Variants in CCDC138 observed in about 807,000 individuals in gnomAD.
CCDC138 encodes the protein coiled-coil domain containing 138, also known as coiled-coil domain-containing protein 138.
CCDC138 carries 66 observed loss-of-function variants against 82.3 expected under a neutral mutation model. The observed-to-expected ratio is 0.80, with a 90% CI of 0.66 to 0.98. CCDC138 has a LOEUF of 0.98. Ranked by LOEUF, CCDC138 falls within the 50% of genes least tolerant of loss-of-function variation. The pLI, the probability that CCDC138 is intolerant of heterozygous loss-of-function variation, is 0.00. For synonymous variants in CCDC138, 297 were observed against 265.4 expected (o/e 1.12, Z -1.16); for missense variants, 816 against 758.9 (o/e 1.08, Z -0.88).
chr2:108,826,678 A>G (rs1049449979), intron 10 of CCDC138, among the ~76,000 whole-genome samples: 1 of 152,168 alleles, frequency 6.6e-6, no homozygotes, highest in African/African-American at 2.4e-5. Context: ...TTTTGAAAAC[A>G]AAGTGTGAAT....
intron 13 of CCDC138, among the ~76,000 whole-genome samples, chr2:108,866,666 C>T (rs1382741721): frequency 6.6e-6 from 1 of 152,072 alleles, no homozygotes; most frequent in East Asian, 1.9e-4. Context: ...AGGTGGATCA[C>T]GAGGTCAGGA....
intron 12 of CCDC138, among the ~76,000 whole-genome samples, chr2:108,854,329 A>G (rs1029810901): frequency 2.0e-5 from 3 of 151,648 alleles, no homozygotes; most frequent in African/African-American, 7.3e-5. Context: ...TCAACTCTAT[A>G]GTCAGACAAC....
chr2:108,805,589 T>C (rs1413449449), intron 7 of CCDC138, among the ~76,000 whole-genome samples: 1 of 151,316 alleles, frequency 6.6e-6, no homozygotes, highest in Non-Finnish European at 1.5e-5. Flanking sequence ...TAGCTGGGCG[T>C]GATGGCGGGC....
At chr2:108,847,619 ATTAT>A (rs1234639703) in intron 12 of CCDC138, among the ~76,000 whole-genome samples, 1 of 152,242 alleles carries the variant, frequency 6.6e-6, no homozygotes, top group African/African-American at 2.4e-5. Context: ...AACAGGTTAT[ATTAT>A]TAAATGTGAT....
chr2:108,811,448 G>A (rs1683861357), intron 7 of CCDC138, among the ~76,000 whole-genome samples: 1 of 151,720 alleles, frequency 6.6e-6, no homozygotes, highest in Admixed American at 6.6e-5. Flanking sequence ...GTCTTATTGT[G>A]TTGCTGAGGC....
chr2:108,867,840 G>A (rs1337217139), intron 13 of CCDC138, among the ~76,000 whole-genome samples: 1 of 152,172 alleles, frequency 6.6e-6, no homozygotes, highest in Non-Finnish European at 1.5e-5. Flanking sequence ...TGGAATAAAA[G>A]CCTTACTAAC....
chr2:108,846,688 TA>T (rs761329877), intron 11 of CCDC138, 49 bp from the exon 12 acceptor site: 1 of 1,497,192 alleles, frequency 6.7e-7, no homozygotes, highest in South Asian at 1.2e-5. Context: ...AAAAAAAAGA[TA>T]TATTCTGAAC....
At chr2:108,865,824 G>A (rs1475813013) in intron 13 of CCDC138, among the ~76,000 whole-genome samples, 2 of 152,118 alleles carry the variant, frequency 1.3e-5, no homozygotes, top group African/African-American at 4.8e-5. Context: ...GTAGAGGGCG[G>A]GGTGGCTATA....
chr2:108,840,230 TAAC>T (rs1029159461), intron 11 of CCDC138, among the ~76,000 whole-genome samples: 3 of 152,188 alleles, frequency 2.0e-5, no homozygotes, highest in Non-Finnish European at 4.4e-5. Context: ...GTTTTTATAT[TAAC>T]AAATTCTATT....
At chr2:108,795,927 T>C (rs1011648526) in intron 5 of CCDC138, among the ~76,000 whole-genome samples, 1 of 152,112 alleles carries the variant, frequency 6.6e-6, no homozygotes, top group Non-Finnish European at 1.5e-5. Context: ...CTTTATAGGA[T>C]AAAAAAGAAT....
chr2:108,804,918 C>A lies in CCDC138; in HGVS notation c.765C>A (p.Thr255=). Residue 255 remains threonine, a synonymous_variant, in exon 7 of 15, where the codon ACC becomes ACA. Transcript: ENST00000295124. ...EQHDAEVEHL[T]EVLKEKNKET... ...ATGATGCAGAAGTTGAACACTTAAC[C>A]GAAGTTCTTAAGGAAAAGAATAAAG... 6.4e-7 allele frequency: 1 copy of A among 1,558,658 alleles called. No homozygotes were observed. The highest frequency in any genetic ancestry group is 8.6e-7 in the Non-Finnish European group (1 of 1,159,050).
At chr2:108,829,843 C>G (rs565063688) in intron 10 of CCDC138, among the ~76,000 whole-genome samples, 2 of 152,152 alleles carry the variant, frequency 1.3e-5, no homozygotes, top group Non-Finnish European at 2.9e-5. Flanking sequence ...ATGTAAAATG[C>G]AGCTGCTGTG....
chr2:108,869,858 A>G (rs1362500603), intron 13 of CCDC138, among the ~76,000 whole-genome samples: 2 of 152,150 alleles, frequency 1.3e-5, no homozygotes, highest in African/African-American at 4.8e-5. Flanking sequence ...GTTTTTTCAA[A>G]TGTCAGATTT....
At chr2:108,805,617 C>A (rs1682737294) in intron 7 of CCDC138, among the ~76,000 whole-genome samples, 1 of 151,818 alleles carries the variant, frequency 6.6e-6, no homozygotes. Context: ...GTCCCAGCTA[C>A]TCGGGAGGCT....
chr2:108,803,948 C>G (rs1290634761), intron 6 of CCDC138, among the ~76,000 whole-genome samples: 1 of 152,072 alleles, frequency 6.6e-6, no homozygotes, highest in Non-Finnish European at 1.5e-5. Flanking sequence ...GTGACTATAT[C>G]CTAAGTTATT....
chr2:108,847,509 C>T (rs1306761426), intron 12 of CCDC138, among the ~76,000 whole-genome samples: 5 of 152,080 alleles, frequency 3.3e-5, no homozygotes, highest in Non-Finnish European at 7.4e-5. Flanking sequence ...TGACCCTGCA[C>T]CTAGTGTAGT....
At chr2:108,849,757 G>A (rs1178236369) in intron 12 of CCDC138, among the ~76,000 whole-genome samples, 1 of 152,226 alleles carries the variant, frequency 6.6e-6, no homozygotes, top group Admixed American at 6.5e-5. Context: ...GCCTCTCCCA[G>A]CCTAGGCACA....
chr2:108,853,939 TATA>T (rs1692050537), intron 12 of CCDC138, among the ~76,000 whole-genome samples: 1 of 123,722 alleles, frequency 8.1e-6, no homozygotes. Flanking sequence ...ATAATTTATA[TATA>T]ATATACAATA....
At chr2:108,817,946 T>G (rs1475875675) in intron 10 of CCDC138, among the ~76,000 whole-genome samples, 2 of 152,208 alleles carry the variant, frequency 1.3e-5, no homozygotes, top group Non-Finnish European at 2.9e-5. Context: ...TAGCCTTATT[T>G]TAGAAGTAAC....
Sources: allele counts gnomAD v4.1 joint callset (sites outside exome capture counted in the v4.1 genomes callset), GRCh38; gene constraint gnomAD v4.1.1; transcripts MANE v1.5; gene names NCBI Gene and HGNC (gene_info 2026-07-23, HGNC 2026-07-21).